SH3RF3: variants seen among roughly 807,000 people sequenced by gnomAD.
SH3RF3 encodes the protein E3 ubiquitin-protein ligase SH3RF3.
A neutral mutation model predicts 66.3 loss-of-function variants in SH3RF3; 29 were observed. That is an observed-to-expected ratio of 0.44 (90% CI 0.33 to 0.60). SH3RF3 has a LOEUF of 0.60. Ranked by LOEUF, SH3RF3 falls within the 20% of genes least tolerant of loss-of-function variation. The probability of loss-of-function intolerance (pLI) is 0.04; values close to 1 mark genes in which losing one functional copy is unlikely to be tolerated. For synonymous variants in SH3RF3, 583 were observed against 532.0 expected, an observed-to-expected ratio of 1.10 and a Z score of -1.32; for missense variants, 1,194 against 1,190.9, an observed-to-expected ratio of 1.00 and a Z score of -0.04.
chr2:109,440,524 C>T (rs1438649070), intron 7 of SH3RF3, among the ~76,000 whole-genome samples: 1 of 152,208 alleles, frequency 6.6e-6, no homozygotes, highest in Non-Finnish European at 1.5e-5. Flanking sequence ...AGCTAGACTT[C>T]TGCTTATGGC....
intron 1 of SH3RF3, among the ~76,000 whole-genome samples, chr2:109,321,234 C>G (rs1367165637): frequency 6.6e-6 from 1 of 152,214 alleles, no homozygotes; most frequent in Admixed American, 6.5e-5. Context: ...CTTATATCCT[C>G]GGATTCACTT....
intron 1 of SH3RF3, among the ~76,000 whole-genome samples, chr2:109,218,935 A>AC (rs1467658103): frequency 2.6e-5 from 4 of 152,224 alleles, no homozygotes; most frequent in African/African-American, 9.6e-5. Context: ...CCCTGCACGG[A>AC]CCAGGCTTGT....
chr2:109,193,114 T>C (rs1678408293), intron 1 of SH3RF3, among the ~76,000 whole-genome samples: 1 of 152,188 alleles, frequency 6.6e-6, no homozygotes, highest in Non-Finnish European at 1.5e-5. Context: ...GGAACATTCT[T>C]AACTCACAGC....
intron 1 of SH3RF3, among the ~76,000 whole-genome samples, chr2:109,261,456 G>T (rs1275602848): frequency 2.6e-5 from 4 of 152,220 alleles, no homozygotes; most frequent in Non-Finnish European, 5.9e-5. Context: ...AAGGATGTTT[G>T]CTTCTTGGCT....
intron 1 of SH3RF3, among the ~76,000 whole-genome samples, chr2:109,347,027 A>G (rs4676278): frequency 0.7 from 106,996 of 152,060 alleles, 39,144 homozygotes; most frequent in African/African-American, 0.9. Context: ...TCGTGTGTGT[A>G]CCGCTGGCCA....
chr2:109,222,148 G>A (rs1026979770), intron 1 of SH3RF3, among the ~76,000 whole-genome samples: 1 of 145,656 alleles, frequency 6.9e-6, no homozygotes, highest in Non-Finnish European at 1.5e-5. Context: ...TAAAAAAGGT[G>A]CTCGCATGAA....
intron 1 of SH3RF3, among the ~76,000 whole-genome samples, chr2:109,199,623 G>GAACCC (rs1678608569): frequency 0.01 from 1 of 96 alleles, no homozygotes. Flanking sequence ...GGAATGGAAT[G>GAACCC]GAATGGAATG....
chr2:109,320,513 A>G, intron 1 of SH3RF3, among the ~76,000 whole-genome samples: 1 of 152,172 alleles, frequency 6.6e-6, no homozygotes, highest in East Asian at 1.9e-4. Flanking sequence ...TCATGCTCAA[A>G]GGGAGGCTGT....
intron 8 of SH3RF3, among the ~76,000 whole-genome samples, chr2:109,489,723 G>A (rs1679077003): frequency 7.9e-6 from 1 of 126,078 alleles, no homozygotes; most frequent in Non-Finnish European, 1.6e-5. Flanking sequence ...ACAAGTGTCG[G>A]ACAAGGTTTT....
chr2:109,327,287 A>C (rs906207133), intron 1 of SH3RF3, among the ~76,000 whole-genome samples: 6 of 152,212 alleles, frequency 3.9e-5, no homozygotes, highest in African/African-American at 1.4e-4. Flanking sequence ...AACACCATTG[A>C]TTAAACAGCC....
intron 3 of SH3RF3, among the ~76,000 whole-genome samples, chr2:109,392,139 C>T (rs1217829290): frequency 2.0e-5 from 3 of 152,184 alleles, no homozygotes; most frequent in African/African-American, 7.2e-5. Flanking sequence ...TTTTTAAAGA[C>T]CCACATTTGA....
intron 2 of SH3RF3, among the ~76,000 whole-genome samples, chr2:109,365,876 C>T (rs1475572798): frequency 1.3e-5 from 2 of 151,968 alleles, no homozygotes; most frequent in African/African-American, 4.8e-5. Context: ...ACTTTCTTTA[C>T]AAAAGAAAAG....
chr2:109,467,097 T>G (rs1416640690), intron 8 of SH3RF3, among the ~76,000 whole-genome samples: 1 of 152,262 alleles, frequency 6.6e-6, no homozygotes, highest in Non-Finnish European at 1.5e-5. Context: ...TCAGCAATTT[T>G]TTAAGAAGTT....
intron 1 of SH3RF3, among the ~76,000 whole-genome samples, chr2:109,291,988 C>A (rs548463484): frequency 6.6e-6 from 1 of 152,174 alleles, no homozygotes; most frequent in Non-Finnish European, 1.5e-5. Flanking sequence ...CTCAGCCTCT[C>A]GAGTAGCTGG....
chr2:109,385,357 C>T (rs1391044207), intron 3 of SH3RF3, among the ~76,000 whole-genome samples: 1 of 152,234 alleles, frequency 6.6e-6, no homozygotes, highest in Non-Finnish European at 1.5e-5. Flanking sequence ...ACCCCAGTGT[C>T]CCCTGAGTCA....
rs1573284795 is a variant in SH3RF3, at chr2:109,477,527, C to T, written c.2149-13078C>T. Among the ~76,000 whole-genome samples, 8 of 152,164 alleles carry T rather than the reference C, an allele frequency of 5.3e-5. No individual in the cohort carries two copies. In the East Asian group the frequency reaches 1.4e-3, roughly 26 times the overall value. On this transcript the variant is annotated intron_variant, in intron 8 of 9. Coordinates refer to ENST00000309415, the MANE Select transcript of SH3RF3 (RefSeq NM_001099289.3). ...CTGAGGTGAGACCAGGAGAGCCTCT[C>T]CCAGCAGGAAGAGGGCAGTTAAAGG... is the stretch of plus-strand genomic sequence containing the variant.
intron 1 of SH3RF3, among the ~76,000 whole-genome samples, chr2:109,323,984 C>T (rs1682090973): frequency 6.6e-6 from 1 of 152,192 alleles, no homozygotes; most frequent in Admixed American, 6.5e-5. Flanking sequence ...CTTCCCCCAG[C>T]CCCTGGAAAA....
intron 1 of SH3RF3, among the ~76,000 whole-genome samples, chr2:109,255,793 A>G (rs1023936344): frequency 2.0e-5 from 3 of 152,242 alleles, no homozygotes; most frequent in Non-Finnish European, 2.9e-5. Flanking sequence ...AGACAAGGAA[A>G]TGAAACCGCC....
At chr2:109,489,799 G>A (rs554120768) in intron 8 of SH3RF3, among the ~76,000 whole-genome samples, 8 of 152,234 alleles carry the variant, frequency 5.3e-5, no homozygotes, top group East Asian at 1.9e-4. Context: ...GTGCAGTGGC[G>A]CAATCTCAGC....
Sources: allele counts gnomAD v4.1 joint callset (sites outside exome capture counted in the v4.1 genomes callset), GRCh38; gene constraint gnomAD v4.1.1; transcripts MANE v1.5; gene names NCBI Gene and HGNC (gene_info 2026-07-23, HGNC 2026-07-21).